The following OVCH1 variants were observed in gnomAD, a reference collection of about 807,000 sequenced individuals.
OVCH1 encodes ovochymase 1.
In OVCH1, 139 loss-of-function variants were observed where a neutral mutation model predicts 138.4. That is an observed-to-expected ratio of 1.00 (90% CI 0.87 to 1.16). The LOEUF is 1.16. Among genes scored for constraint, OVCH1 ranks in the 50% most tolerant of loss-of-function variants. OVCH1 has a pLI of 0.00. For missense variants in OVCH1, 1,367 were observed against 1,357.9 expected (o/e 1.01, Z -0.11); for synonymous variants, 453 against 467.8 (o/e 0.97, Z 0.41).
At chr12:29,432,207 T>C (rs1339574907) in intron 27 of OVCH1, among the ~76,000 whole-genome samples, 2 of 152,170 alleles carry the variant, frequency 1.3e-5, no homozygotes, top group Non-Finnish European at 2.9e-5. Flanking sequence ...ACTTTTACTA[T>C]GAATGAGTTA....
intron 8 of OVCH1, among the ~76,000 whole-genome samples, chr12:29,480,818 G>A (rs1287070963): frequency 6.6e-6 from 1 of 152,120 alleles, no homozygotes; most frequent in East Asian, 1.9e-4. Flanking sequence ...GTTAGCTCCA[G>A]TTGGAATTCA....
intron 19 of OVCH1, among the ~76,000 whole-genome samples, chr12:29,457,624 C>T (rs1441465994): frequency 6.6e-6 from 1 of 151,720 alleles, no homozygotes; most frequent in Non-Finnish European, 1.5e-5. Flanking sequence ...AGGATGGTCT[C>T]GATCTGCTGA....
chr12:29,476,082 T>C lies in OVCH1; in HGVS notation c.1471+124A>G, dbSNP rs1942700305. 4 of 785,150 alleles carry C rather than the reference T, an allele frequency of 5.1e-6. No individual in the cohort carries two copies. In the East Asian group the frequency reaches 9.8e-5, roughly 19 times the overall value. 48.6% of individuals were successfully genotyped at this position (785,150 alleles called of 1,614,324 possible). A position where few individuals can be genotyped will look rare whatever the true frequency, so the allele number is the denominator to read the frequency against. On this transcript the variant is annotated intron_variant, in intron 13 of 27. Transcript: ENST00000318184. Reference sequence around the variant, plus strand: ...TTAAAGCTAAAGTTGTATGGCATTCTGAGTTTCCAAAGCAAGAAATTCACA... The same window carrying C: ...TTAAAGCTAAAGTTGTATGGCATTCCGAGTTTCCAAAGCAAGAAATTCACA...
chr12:29,413,920 T>TATCA (rs1940996769), intron 3 of OVCH1, among the ~76,000 whole-genome samples: 1 of 152,210 alleles, frequency 6.6e-6, no homozygotes. Flanking sequence ...ATCATTGCTC[T>TATCA]ATCATTTCAC....
intron 8 of OVCH1, chr12:29,478,934 T>C: frequency 6.7e-7 from 1 of 1,498,562 alleles, no homozygotes; most frequent in Non-Finnish European, 9.1e-7. Flanking sequence ...AGGATTATTT[T>C]ATCTTCTGGT....
exon 28 of OVCH1, chr12:29,427,571 C>G: frequency 6.4e-7 from 1 of 1,551,424 alleles, no homozygotes; most frequent in African/African-American, 1.4e-5. Context: ...TGGGCTGTGC[C>G]TAAGAACCAG....
intron 21 of OVCH1, 21 bp from the exon 22 acceptor site, chr12:29,451,590 A>C: frequency 6.4e-7 from 1 of 1,571,838 alleles, no homozygotes; most frequent in South Asian, 1.1e-5. Context: ...GAACACACAG[A>C]CACCAGGGAC....
chr12:29,431,771 G>A (rs1332351148), intron 27 of OVCH1, among the ~76,000 whole-genome samples: 2 of 152,028 alleles, frequency 1.3e-5, no homozygotes, highest in East Asian at 1.9e-4. Flanking sequence ...CTTCTGTCAC[G>A]AAAAACATGT....
rs143247544 is a variant in OVCH1 at position 29,459,204 on chromosome 12, T to G, written c.2280+2650A>C. On this transcript the variant is annotated intron_variant, in intron 19 of 27. Coordinates refer to ENST00000318184, the Ensembl canonical transcript of OVCH1. ...ACTCCCATGTCTATTGCAACACTATTCACAATGACCAAGATTTGGAAGCAG... is the reference window on the plus strand; with the variant it reads ...ACTCCCATGTCTATTGCAACACTATGCACAATGACCAAGATTTGGAAGCAG... Among the ~76,000 whole-genome samples the G allele has an allele frequency of 6.0e-4, 92 of 152,298 alleles. 2 individuals carry two copies. The highest frequency in any genetic ancestry group is 2.1e-3 in the African/African-American group (87 of 41,568).
At chr12:29,437,665 A>C (rs1160522921) in intron 26 of OVCH1, among the ~76,000 whole-genome samples, 1 of 152,166 alleles carries the variant, frequency 6.6e-6, no homozygotes, top group Admixed American at 6.5e-5. Flanking sequence ...TAGTAAAGAG[A>C]TGGCCAGAGG....
chr12:29,473,037 A>G (rs770215460), exon 15 of OVCH1: 2 of 1,610,000 alleles, frequency 1.2e-6, no homozygotes, highest in Non-Finnish European at 1.7e-6. Context: ...ACCATGCAGA[A>G]TAGCTTTTAC....
chr12:29,464,452 C>A, intron 18 of OVCH1, 55 bp downstream of exon 18: 1 of 1,554,696 alleles, frequency 6.4e-7, no homozygotes, highest in Non-Finnish European at 8.8e-7. Context: ...TTTACATGAC[C>A]TATTTTCAAA....
chr12:29,420,483 CTTT>C (rs958610211), intron 3 of OVCH1, among the ~76,000 whole-genome samples: 1 of 19,006 alleles, frequency 5.3e-5, no homozygotes, highest in African/African-American at 2.6e-4. Flanking sequence ...GAAAAAGCAG[CTTT>C]TTTTTTTTTT....
exon 24 of OVCH1, chr12:29,444,149 T>C (rs1056073845): frequency 6.2e-7 from 1 of 1,606,444 alleles, no homozygotes; most frequent in African/African-American, 1.3e-5. Flanking sequence ...CCTTACCCCA[T>C]AGTAGTTCTG....
chr12:29,434,721 A>G (rs950505160), intron 26 of OVCH1, among the ~76,000 whole-genome samples: 1 of 152,084 alleles, frequency 6.6e-6, no homozygotes, highest in Non-Finnish European at 1.5e-5. Context: ...AACAACAAAA[A>G]AAAACCTTAC....
intron 8 of OVCH1, among the ~76,000 whole-genome samples, chr12:29,483,125 T>C (rs1942986473): frequency 6.6e-6 from 1 of 152,206 alleles, no homozygotes; most frequent in Non-Finnish European, 1.5e-5. Flanking sequence ...GATCAAAAAA[T>C]ATTATGGTTC....
chr12:29,473,111 A>G lies in OVCH1; in HGVS notation c.1601-8T>C, dbSNP rs770020457. ...CAAATTTGTTTAAAGACTCTGTAGA[A>G]GAAAAAAAAATTAATTGAAAGTAAT... On this transcript the variant is annotated splice_polypyrimidine_tract_variant and splice_region_variant and intron_variant, in intron 14 of 27. Coordinates refer to ENST00000318184, the Ensembl canonical transcript of OVCH1. 4 of 1,574,870 alleles carry G rather than the reference A, an allele frequency of 2.5e-6. No homozygotes were observed. Among genetic ancestry groups the G allele is most frequent in the Non-Finnish European group, 3.5e-6 (4 of 1,156,304 alleles).
At chr12:29,490,175 C>T (rs957040290) in intron 5 of OVCH1, among the ~76,000 whole-genome samples, 15 of 152,064 alleles carry the variant, frequency 9.9e-5, no homozygotes, top group Non-Finnish European at 1.2e-4. Context: ...GTGATTCTCC[C>T]ACCTCAGTTT....
chr12:29,461,266 G>C (rs188829784), intron 19 of OVCH1, among the ~76,000 whole-genome samples: 1 of 152,330 alleles, frequency 6.6e-6, no homozygotes, highest in East Asian at 1.9e-4. Context: ...GTCTTAGGTT[G>C]TATGTATATC....
Sources: allele counts gnomAD v4.1 joint callset (sites outside exome capture counted in the v4.1 genomes callset), GRCh38; gene constraint gnomAD v4.1.1; transcripts MANE v1.5; gene names NCBI Gene and HGNC (gene_info 2026-07-23, HGNC 2026-07-21).